The following MGLL variants were observed in gnomAD, a reference collection of about 807,000 sequenced individuals.
MGLL encodes the protein lysophospholipase homolog.
Under a neutral mutation model 29.1 loss-of-function variants are expected in MGLL, and 7 were observed. The observed-to-expected ratio is 0.24, with a 90% CI of 0.14 to 0.45. The LOEUF (loss-of-function observed/expected upper bound fraction) is 0.45. Among genes scored for constraint, MGLL ranks in the 20% least tolerant of loss-of-function variants. MGLL has a pLI of 0.99. For missense variants in MGLL, 356 were observed against 413.6 expected (o/e 0.86, Z 1.21); for synonymous variants, 148 against 168.3 (o/e 0.88, Z 0.93).
chr3:127,705,918 A>G (rs1202983222), intron 6 of MGLL, among the ~76,000 whole-genome samples: 1 of 152,194 alleles, frequency 6.6e-6, no homozygotes, highest in Admixed American at 6.5e-5. Context: ...ACCCATTAGG[A>G]TGGCTACTAT....
intron 3 of MGLL, among the ~76,000 whole-genome samples, chr3:127,745,135 T>C (rs926605472): frequency 6.6e-6 from 1 of 152,218 alleles, no homozygotes; most frequent in Admixed American, 6.5e-5. Flanking sequence ...CTTGGTTTCC[T>C]CATCAGTGAA....
intron 3 of MGLL, among the ~76,000 whole-genome samples, chr3:127,746,452 GCCCT>G (rs2076444974): frequency 6.6e-6 from 1 of 151,896 alleles, no homozygotes; most frequent in Non-Finnish European, 1.5e-5. Context: ...TCTCCACCCT[GCCCT>G]CCCTTTTCTC....
intron 2 of MGLL, among the ~76,000 whole-genome samples, chr3:127,796,591 A>G (rs2077386838): frequency 6.6e-6 from 1 of 152,200 alleles, no homozygotes; most frequent in Non-Finnish European, 1.5e-5. Context: ...AGACCAGTCC[A>G]TCTTGACTCC....
intron 2 of MGLL, among the ~76,000 whole-genome samples, chr3:127,787,671 G>T (rs1242671995): frequency 2.0e-5 from 3 of 152,216 alleles, no homozygotes; most frequent in Admixed American, 6.5e-5. Context: ...ACCCCTGAGG[G>T]TGTCCTCGCT....
At chr3:127,741,314 GCTTT>G (rs2076335977) in intron 3 of MGLL, among the ~76,000 whole-genome samples, 2 of 152,366 alleles carry the variant, frequency 1.3e-5, no homozygotes, top group South Asian at 4.1e-4. Context: ...CACTCCTCAT[GCTTT>G]CTTGGGGGGG....
rs1466580683 is a variant in MGLL, at chr3:127,692,089, T to G, written c.*109A>C. 8 of 1,214,758 alleles carry G rather than the reference T, an allele frequency of 6.6e-6. No homozygotes were observed. Among genetic ancestry groups the G allele is most frequent in the Middle Eastern group, 2.8e-4 (1 of 3,562 alleles). The allele number at this position is 1,214,758 out of a possible 1,614,324, so 75.2% of individuals were successfully genotyped here. The stretch of plus-strand genomic sequence containing the variant: ...AAATTGTGCTAAGGATTTCTCCAAT[T>G]TCTGATTTTTTTTTTTTTTTTTTTT... On this transcript the variant is annotated 3_prime_UTR_variant, in exon 8 of 8. Coordinates refer to ENST00000265052, the MANE Select transcript of MGLL (RefSeq NM_007283.7).
At chr3:127,796,802 T>C (rs1269116005) in intron 2 of MGLL, among the ~76,000 whole-genome samples, 1 of 152,142 alleles carries the variant, frequency 6.6e-6, no homozygotes, top group Non-Finnish European at 1.5e-5. Context: ...ACTAGAAAAT[T>C]ACAAGCCACA....
chr3:127,693,161 C>T (rs576411006), intron 7 of MGLL, among the ~76,000 whole-genome samples: 2 of 152,334 alleles, frequency 1.3e-5, no homozygotes, highest in South Asian at 4.1e-4. Context: ...ACGTCAGTCT[C>T]TCTGCCTGGC....
intron 3 of MGLL, among the ~76,000 whole-genome samples, chr3:127,746,574 C>T (rs1161579866): frequency 6.6e-6 from 1 of 152,164 alleles, no homozygotes; most frequent in Non-Finnish European, 1.5e-5. Flanking sequence ...ATGTTTCCCA[C>T]CTGTCTGGAA....
Position 127,695,154 on chromosome 3 carries a change from C to T in MGLL, c.637G>A (p.Ala213Thr). 3 of 1,614,160 alleles carry T rather than the reference C, an allele frequency of 1.9e-6. No homozygotes were observed. Among genetic ancestry groups the T allele is most frequent in the Non-Finnish European group, 2.5e-6 (3 of 1,180,034 alleles). Residue 213 changes from alanine (A) to threonine (T), a missense_variant, in exon 7 of 8, where the codon GCA (alanine) becomes ACA (threonine). Transcript: ENST00000265052. ...IYNSDPLICR[A>T]GLKVCFGIQL... ...ATGCCGAAGCACACCTTCAGCCCTG[C>T]CCGGCAGATCAGGGGGTCTGAGTTA...
intron 6 of MGLL, among the ~76,000 whole-genome samples, chr3:127,708,004 G>A (rs953284484): frequency 3.3e-5 from 5 of 152,142 alleles, no homozygotes; most frequent in African/African-American, 1.2e-4. Flanking sequence ...TGAGTCCCAG[G>A]CCCCTGCACC....
At position 127,725,157 on chromosome 3, in the gene MGLL, G is replaced by A. The variant is rs543207722; in HGVS notation, c.263-2591C>T. On this transcript the variant is annotated intron_variant, in intron 3 of 7. Coordinates refer to ENST00000265052, the MANE Select transcript of MGLL (RefSeq NM_007283.7). ...GTAAGCCTTTACCCCATCCTCTTCC[G>A]AGATCTTGGCTCACTCAGCACCACA... 6.6e-5 allele frequency among the ~76,000 whole-genome samples: 10 copies of A among 152,114 alleles called. 1 individual carries two copies. Among genetic ancestry groups the A allele is most frequent in the African/African-American group, 1.2e-4 (5 of 41,488 alleles).
intron 2 of MGLL, among the ~76,000 whole-genome samples, chr3:127,782,368 G>T (rs567840764): frequency 1.3e-5 from 2 of 152,300 alleles, no homozygotes; most frequent in African/African-American, 2.4e-5. Flanking sequence ...TAAAATGCGG[G>T]GCTTCAGAGT....
At chr3:127,732,582 A>G (rs1461296813) in intron 3 of MGLL, among the ~76,000 whole-genome samples, 1 of 152,240 alleles carries the variant, frequency 6.6e-6, no homozygotes, top group Non-Finnish European at 1.5e-5. Context: ...CCCAGACCCC[A>G]GGGCTTGTGC....
At chr3:127,718,215 C>T (rs1015425801) in intron 5 of MGLL, among the ~76,000 whole-genome samples, 8 of 152,160 alleles carry the variant, frequency 5.3e-5, no homozygotes, top group African/African-American at 1.7e-4. Flanking sequence ...GGGCATCTCA[C>T]GCTGCCCCTT....
intron 3 of MGLL, among the ~76,000 whole-genome samples, chr3:127,776,218 C>T (rs1401168035): frequency 6.6e-6 from 1 of 152,198 alleles, no homozygotes; most frequent in African/African-American, 2.4e-5. Flanking sequence ...CCTAATAAAT[C>T]CTGTCTTCAC....
intron 6 of MGLL, among the ~76,000 whole-genome samples, chr3:127,709,875 C>T (rs2075676307): frequency 6.6e-6 from 1 of 152,186 alleles, no homozygotes; most frequent in Non-Finnish European, 1.5e-5. Flanking sequence ...GCAAGTCATC[C>T]CACGTTATGG....
At chr3:127,736,618 T>A (rs984504100) in intron 3 of MGLL, among the ~76,000 whole-genome samples, 1 of 152,268 alleles carries the variant, frequency 6.6e-6, no homozygotes, top group Non-Finnish European at 1.5e-5. Flanking sequence ...GCCTCATTTG[T>A]TAAGCACTTG....
At position 127,720,063 on chromosome 3, in the gene MGLL, G is replaced by A. The variant is rs531253982; in HGVS notation, c.510+990C>T. Among the ~76,000 whole-genome samples, 10 of 152,280 alleles carry A rather than the reference G, an allele frequency of 6.6e-5. No individual in the cohort carries two copies. The South Asian group carries it at 2.1e-3, about 32-fold the overall frequency. On this transcript the variant is annotated intron_variant, in intron 5 of 7. Coordinates refer to ENST00000265052, the MANE Select transcript of MGLL (RefSeq NM_007283.7). ...AACCCTTTGAGGATGTTGTTATAAG[G>A]TTTCATTCCCTGTACTGTGTTGAAG...
Sources: gnomAD v4.1 joint callset for allele counts (sites outside exome capture counted in the v4.1 genomes callset) on GRCh38, gnomAD v4.1.1 for gene constraint, MANE v1.5 for transcripts, NCBI Gene and HGNC (gene_info 2026-07-23, HGNC 2026-07-21) for gene names.